Variants in RUNX1T1 observed in about 807,000 individuals in gnomAD.
The protein encoded by RUNX1T1 is RUNX1 partner transcriptional co-repressor 1.
RUNX1T1 carries 4 observed loss-of-function variants against 62.8 expected under a neutral mutation model. The observed-to-expected ratio is 0.06, with a 90% CI of 0.03 to 0.15. The LOEUF is 0.15. Among genes scored for constraint, RUNX1T1 ranks in the 10% least tolerant of loss-of-function variants. RUNX1T1 has a pLI of 1.00. For synonymous variants in RUNX1T1, 291 were observed against 286.0 expected (o/e 1.02, Z -0.18); for missense variants, 508 against 754.3 (o/e 0.67, Z 3.82).
At chr8:92,078,309 TAATAA>T (rs1406120394) in intron 1 of RUNX1T1, among the ~76,000 whole-genome samples, 4 of 152,004 alleles carry the variant, frequency 2.6e-5, no homozygotes, top group African/African-American at 9.7e-5. Flanking sequence ...TATGAAATAA[TAATAA>T]AATAAGTAAT....
chr8:92,076,098 G>A (rs756977785), exon 2 of RUNX1T1: 1 of 1,586,178 alleles, frequency 6.3e-7, no homozygotes, highest in Admixed American at 1.8e-5. Flanking sequence ...TTTCTGACTG[G>A]GACAGAGATT....
chr8:92,083,015 T>C (rs904189189), intron 1 of RUNX1T1, among the ~76,000 whole-genome samples: 3 of 152,200 alleles, frequency 2.0e-5, no homozygotes, highest in African/African-American at 7.2e-5. Context: ...GTTCGGACCC[T>C]TGATCAAAGA....
chr8:92,028,183 C>T (rs577316100), intron 1 of RUNX1T1, among the ~76,000 whole-genome samples: 8 of 141,352 alleles, frequency 5.7e-5, no homozygotes, highest in African/African-American at 1.9e-4. Context: ...CAGCTAGAGA[C>T]ATATTAGTAA....
chr8:92,062,059 G>T (rs1016900259), intron 1 of RUNX1T1, among the ~76,000 whole-genome samples: 11 of 152,116 alleles, frequency 7.2e-5, no homozygotes, highest in Non-Finnish European at 1.5e-4. Context: ...TGTGATTTAG[G>T]ACAAGACTGA....
intron 10 of RUNX1T1, among the ~76,000 whole-genome samples, chr8:91,970,034 G>GTGTGTGTGTGTGTGT (rs1471469945): frequency 4.2e-5 from 2 of 47,186 alleles, no homozygotes; most frequent in Non-Finnish European, 4.4e-5. Flanking sequence ...GTGTGTGTGT[G>GTGTGTGTGTGTGTGT]TGTGTGTGTT....
At chr8:92,008,406 A>ACACG (rs1350862889) in intron 4 of RUNX1T1, among the ~76,000 whole-genome samples, 4 of 151,040 alleles carry the variant, frequency 2.6e-5, no homozygotes, top group Non-Finnish European at 4.4e-5. Context: ...ACACACACAC[A>ACACG]CACACACACA....
At chr8:92,050,612 G>T (rs1830083763) in intron 1 of RUNX1T1, among the ~76,000 whole-genome samples, 1 of 152,104 alleles carries the variant, frequency 6.6e-6, no homozygotes, top group African/African-American at 2.4e-5. Context: ...AAAGCAAATG[G>T]CCAGGCCAGA....
chr8:91,985,076 T>C (rs1586825226), intron 8 of RUNX1T1, among the ~76,000 whole-genome samples: 1 of 152,204 alleles, frequency 6.6e-6, no homozygotes, highest in Non-Finnish European at 1.5e-5. Context: ...GTTTTAAACT[T>C]TGGATAATCA....
intron 1 of RUNX1T1, among the ~76,000 whole-genome samples, chr8:92,036,458 G>T (rs1274568402): frequency 6.6e-6 from 1 of 152,136 alleles, no homozygotes; most frequent in Non-Finnish European, 1.5e-5. Flanking sequence ...CAAAGGGATA[G>T]AATTTTTGGA....
rs1268590466 is a variant in RUNX1T1, at chr8:92,017,365, T to C, written c.8-2A>G. 1 of 1,613,946 alleles carries C rather than the reference T, an allele frequency of 6.2e-7. No homozygotes were observed. Among genetic ancestry groups the C allele is most frequent in the African/African-American group, 1.3e-5 (1 of 74,928 alleles). Reference sequence around the variant, plus strand: ...TTGTGGAGTGCTTCTCAGTACGATCTGGAGGATGCCACCAGGAACATATTA... The same window carrying C: ...TTGTGGAGTGCTTCTCAGTACGATCCGGAGGATGCCACCAGGAACATATTA... On this transcript the variant is annotated splice_acceptor_variant, in intron 1 of 10. Coordinates refer to ENST00000396218, the Ensembl canonical transcript of RUNX1T1. LOFTEE classifies it high-confidence loss of function.
intron 1 of RUNX1T1, among the ~76,000 whole-genome samples, chr8:92,089,606 G>C (rs1294623800): frequency 1.3e-5 from 2 of 152,050 alleles, no homozygotes; most frequent in Admixed American, 6.5e-5. Flanking sequence ...CCTAGGCGCT[G>C]AGTTCATCAT....
chr8:91,956,499 G>A (rs935554377), downstream of RUNX1T1: 3 of 223,948 alleles, frequency 1.3e-5, no homozygotes, highest in African/African-American at 6.7e-5. Context: ...AGAGGATCCA[G>A]ATTTTTTTCA....
chr8:92,035,918 G>C (rs1827334070), intron 1 of RUNX1T1, among the ~76,000 whole-genome samples: 1 of 152,130 alleles, frequency 6.6e-6, no homozygotes, highest in African/African-American at 2.4e-5. Context: ...GTTACAATTT[G>C]AATGACACAT....
chr8:92,065,110 T>C (rs1832682009), upstream of RUNX1T1, among the ~76,000 whole-genome samples: 1 of 152,172 alleles, frequency 6.6e-6, no homozygotes, highest in Non-Finnish European at 1.5e-5. Flanking sequence ...CAGTTCTCCC[T>C]GAATAGGGAA....
At chr8:91,956,166 A>G (rs924189126), downstream of RUNX1T1, 1 of 230,420 alleles carries the variant, frequency 4.3e-6, no homozygotes, top group Non-Finnish European at 8.6e-6. Flanking sequence ...AATTTTATCA[A>G]AACACAGCCA....
chr8:92,097,256 G>A (rs1837822066), intron 1 of RUNX1T1, among the ~76,000 whole-genome samples: 1 of 152,178 alleles, frequency 6.6e-6, no homozygotes, highest in Non-Finnish European at 1.5e-5. Context: ...AGAGAAGGGT[G>A]CAAGGATAGG....
chr8:92,031,519 G>A (rs572428200), intron 1 of RUNX1T1, among the ~76,000 whole-genome samples: 7 of 152,246 alleles, frequency 4.6e-5, no homozygotes, highest in South Asian at 2.1e-4. Context: ...TTGCTTGGGC[G>A]GGAATACAGT....
intron 2 of RUNX1T1, among the ~76,000 whole-genome samples, chr8:92,016,531 T>G (rs1823036011): frequency 6.6e-6 from 1 of 152,020 alleles, no homozygotes; most frequent in Non-Finnish European, 1.5e-5. Context: ...GAAAATTAGC[T>G]GGGCTCAGTG....
chr8:92,041,064 G>C (rs75978182), intron 1 of RUNX1T1, among the ~76,000 whole-genome samples: 1 of 152,102 alleles, frequency 6.6e-6, no homozygotes, highest in South Asian at 2.1e-4. Flanking sequence ...CCAAGTGCCA[G>C]TTATCTTGCT....
Sources: allele counts gnomAD v4.1 joint callset (sites outside exome capture counted in the v4.1 genomes callset), GRCh38; gene constraint gnomAD v4.1.1; transcripts MANE v1.5; gene names NCBI Gene and HGNC (gene_info 2026-07-23, HGNC 2026-07-21).